The following AGMO variants were observed in gnomAD, a reference collection of about 807,000 sequenced individuals.
AGMO encodes alkylglycerol monooxygenase.
In AGMO, 75 loss-of-function variants were observed where a neutral mutation model predicts 60.2. The observed-to-expected ratio is 1.25, with a 90% CI of 1.03 to 1.51. The LOEUF is 1.51. Ranked by LOEUF, AGMO falls within the 40% of genes most tolerant of loss-of-function variation. The pLI, the probability that AGMO is intolerant of heterozygous loss-of-function variation, is 0.00. For synonymous variants in AGMO, 261 were observed against 177.1 expected (o/e 1.47, Z -3.76); for missense variants, 763 against 525.5 (o/e 1.45, Z -4.42).
At chr7:15,172,038 T>TC in the AGMO span, among the ~76,000 whole-genome samples, 1 of 152,164 alleles carries the variant, frequency 6.6e-6, no homozygotes. Flanking sequence ...AGTGATGTGC[T>TC]CTTTTTTTTT....
At chr7:15,478,006 C>T (rs192451719) in intron 3 of AGMO, among the ~76,000 whole-genome samples, 106 of 152,176 alleles carry the variant, frequency 7.0e-4, no homozygotes, top group African/African-American at 2.5e-3. Context: ...TAGAACCACA[C>T]CTTTCTCCTG....
intron 3 of AGMO, among the ~76,000 whole-genome samples, chr7:15,477,620 C>T (rs1782631907): frequency 6.6e-6 from 1 of 152,120 alleles, no homozygotes; most frequent in South Asian, 2.1e-4. Flanking sequence ...TACCAATGTG[C>T]AGGCAGTTCA....
chr7:15,390,750 C>T lies in AGMO; in HGVS notation c.743G>A (p.Gly248Glu), dbSNP rs764537420. 3 of 1,606,900 alleles carry T rather than the reference C, an allele frequency of 1.9e-6. No individual in the cohort carries two copies. The highest frequency in any genetic ancestry group is 1.3e-5 in the African/African-American group (1 of 74,796). Residue 248 changes from glycine to glutamate, a missense_variant and splice_region_variant, in exon 8 of 13, where the codon GGG becomes GAG. Coordinates refer to ENST00000342526, the MANE Select transcript of AGMO (RefSeq NM_001004320.2). ...GVLIIWDKIF[G>E]TFEAENEKVV... ...TTTTTCATTTTCTGCTTCAAATGTC[C>T]CTGGAAGATAAATATAAAGATATGA...
intron 12 of AGMO, among the ~76,000 whole-genome samples, chr7:15,314,453 A>G (rs10234380): frequency 0.019 from 2,843 of 152,268 alleles, 68 homozygotes; most frequent in African/African-American, 0.065. Context: ...TTGATTTTAT[A>G]TACCTAATTC....
chr7:15,378,912 A>G (rs1783565997), intron 10 of AGMO, among the ~76,000 whole-genome samples: 1 of 152,076 alleles, frequency 6.6e-6, no homozygotes, highest in South Asian at 2.1e-4. Flanking sequence ...CATAACCCAC[A>G]TTCTTTCAGA....
chr7:15,139,137 A>G, the AGMO span, among the ~76,000 whole-genome samples: 4 of 151,964 alleles, frequency 2.6e-5, no homozygotes, highest in African/African-American at 9.7e-5. Flanking sequence ...TATTCTTATC[A>G]CATAAAATAT....
chr7:15,380,072 T>C (rs954914560), intron 10 of AGMO, among the ~76,000 whole-genome samples: 1 of 152,192 alleles, frequency 6.6e-6, no homozygotes, highest in Non-Finnish European at 1.5e-5. Context: ...GGGCAAATGT[T>C]GGAAGCATTC....
At chr7:15,222,893 T>C (rs910571173) in intron 12 of AGMO, among the ~76,000 whole-genome samples, 1 of 152,002 alleles carries the variant, frequency 6.6e-6, no homozygotes, top group East Asian at 1.9e-4. Context: ...ATATCATCAA[T>C]GAAACGTAGT....
chr7:15,259,013 C>T (rs370987334), intron 12 of AGMO, among the ~76,000 whole-genome samples: 3 of 152,024 alleles, frequency 2.0e-5, no homozygotes, highest in African/African-American at 7.2e-5. Flanking sequence ...TTTCACACCC[C>T]CAAAAGATCA....
At chr7:15,242,483 T>C (rs1180198167) in intron 12 of AGMO, among the ~76,000 whole-genome samples, 2 of 152,182 alleles carry the variant, frequency 1.3e-5, no homozygotes, top group Non-Finnish European at 2.9e-5. Context: ...GTCTTAAAAC[T>C]AAATGCTGGA....
At chr7:15,528,101 A>C (rs1306428376) in intron 3 of AGMO, among the ~76,000 whole-genome samples, 1 of 152,132 alleles carries the variant, frequency 6.6e-6, no homozygotes, top group Non-Finnish European at 1.5e-5. Flanking sequence ...CTTACTATTT[A>C]ATAAATGCAT....
intron 12 of AGMO, among the ~76,000 whole-genome samples, chr7:15,289,156 C>A (rs1784185378): frequency 6.6e-6 from 1 of 151,886 alleles, no homozygotes; most frequent in Middle Eastern, 3.2e-3. Flanking sequence ...ATACATAAAG[C>A]AATTTACTTG....
intron 2 of AGMO, among the ~76,000 whole-genome samples, chr7:15,555,868 A>T (rs543855688): frequency 6.6e-6 from 1 of 152,158 alleles, no homozygotes; most frequent in African/African-American, 2.4e-5. Context: ...CAAATGAGAC[A>T]TTCTCTCAAA....
intron 12 of AGMO, among the ~76,000 whole-genome samples, chr7:15,256,533 G>C (rs1411252008): frequency 6.6e-6 from 1 of 151,944 alleles, no homozygotes; most frequent in Non-Finnish European, 1.5e-5. Flanking sequence ...AATTTTTTGT[G>C]TGTGTATTTT....
intron 12 of AGMO, among the ~76,000 whole-genome samples, chr7:15,326,859 TA>T (rs1781352950): frequency 1.3e-5 from 2 of 152,208 alleles, no homozygotes; most frequent in Non-Finnish European, 2.9e-5. Context: ...CTGCCATTAA[TA>T]ATTAAACTTC....
chr7:15,390,919 T>C lies in AGMO; in HGVS notation c.677-14A>G, dbSNP rs1196958254. ...AACGATTTCTGCCTATGAGACAAAA[T>C]ATTAGAAATTTTTTTTCAGAAAAAT... On this transcript the variant is annotated splice_polypyrimidine_tract_variant and intron_variant, in intron 6 of 12. Coordinates refer to ENST00000342526, the MANE Select transcript of AGMO (RefSeq NM_001004320.2). The C allele has an allele frequency of 1.3e-6, 2 of 1,542,216 alleles. No individual in the cohort carries two copies. Among genetic ancestry groups the C allele is most frequent in the South Asian group, 1.2e-5 (1 of 81,986 alleles).
chr7:15,440,910 C>T (rs1280754051), intron 3 of AGMO, among the ~76,000 whole-genome samples: 1 of 152,184 alleles, frequency 6.6e-6, no homozygotes, highest in Non-Finnish European at 1.5e-5. Flanking sequence ...TCCATCATTC[C>T]CATTTGTATC....
At chr7:15,132,615 G>T in the AGMO span, among the ~76,000 whole-genome samples, 3 of 152,114 alleles carry the variant, frequency 2.0e-5, no homozygotes, top group Non-Finnish European at 4.4e-5. Context: ...TACAAGCAAA[G>T]TGGATTTAAC....
chr7:15,202,502 A>G (rs1461555163), intron 12 of AGMO, among the ~76,000 whole-genome samples: 1 of 136,122 alleles, frequency 7.3e-6, no homozygotes, highest in Non-Finnish European at 1.6e-5. Flanking sequence ...CTCCCAAACA[A>G]GGATGTTTCC....
Sources: gnomAD v4.1 joint callset for allele counts (sites outside exome capture counted in the v4.1 genomes callset) on GRCh38, gnomAD v4.1.1 for gene constraint, MANE v1.5 for transcripts, NCBI Gene and HGNC (gene_info 2026-07-23, HGNC 2026-07-21) for gene names.